The following SORL1-AS1 variants were observed in gnomAD, a reference collection of about 807,000 sequenced individuals.
SORL1-AS1 encodes the protein SORL1 antisense RNA 1.
downstream of SORL1-AS1, among the ~76,000 whole-genome samples, chr11:121,446,375 T>C (rs1860724842): frequency 6.6e-6 from 1 of 152,036 alleles, no homozygotes; most frequent in Non-Finnish European, 1.5e-5. Context: ...AGTTAATGAA[T>C]AAACAAGGCC....
At chr11:121,442,685 A>ATTTC (rs1169846649), downstream of SORL1-AS1, among the ~76,000 whole-genome samples, 1 of 138,158 alleles carries the variant, frequency 7.2e-6, no homozygotes, top group African/African-American at 2.7e-5. Flanking sequence ...TTATTTATTT[A>ATTTC]TTTATTTTTT....
Position 121,452,369 on chromosome 11 carries a change from C to G in SORL1-AS1, n.339+306G>C, listed in dbSNP as rs1032527926. 3 of 1,554,114 alleles carry G rather than the reference C, an allele frequency of 1.9e-6. No homozygotes were observed. Among genetic ancestry groups the G allele is most frequent in the Non-Finnish European group, 2.6e-6 (3 of 1,154,712 alleles). On this transcript the variant is annotated intron_variant and non_coding_transcript_variant, in intron 1 of 1. Transcript: ENST00000501964. This position sits in a 1 kb window ranked among gnomAD's most constrained non-coding sequence, Gnocchi z 5.3. Reference sequence around the variant, plus strand: ...AGCAGCAGGAGGGAGTCGCGACTCCCGTTCCTATTCACCCTGGTCGCACTG... The same window carrying G: ...AGCAGCAGGAGGGAGTCGCGACTCCGGTTCCTATTCACCCTGGTCGCACTG...
chr11:121,441,530 C>CAAAAAAAAAAAAAAA, the SORL1-AS1 span, among the ~76,000 whole-genome samples: 59 of 52,298 alleles, frequency 1.1e-3, no homozygotes, highest in East Asian at 1.8e-3. Flanking sequence ...GACTCTGTCT[C>CAAAAAAAAAAAAAAA]AAAAAAAAAA....
chr11:121,452,679 G>T lies in SORL1-AS1; in HGVS notation n.335C>A. On this transcript the variant is annotated non_coding_transcript_exon_variant, in exon 1 of 2. Transcript: ENST00000501964. The surrounding 1 kb of genome is among the most constrained non-coding windows in gnomAD (Gnocchi z 5.3). ...CCTCTCCCTGCACTTCCTCACCCCC[G>T]CATCCATCCGTTGCAGTCGCCTCCT... is the stretch of plus-strand genomic sequence containing the variant. 7 of 1,341,716 alleles carry T rather than the reference G, an allele frequency of 5.2e-6. No homozygotes were observed. Among genetic ancestry groups the T allele is most frequent in the Non-Finnish European group, 6.7e-6 (7 of 1,039,522 alleles). 83.1% of individuals were successfully genotyped at this position (1,341,716 alleles called of 1,614,324 possible).
the SORL1-AS1 span, among the ~76,000 whole-genome samples, chr11:121,438,880 G>A: frequency 2.6e-5 from 4 of 152,290 alleles, no homozygotes; most frequent in Admixed American, 2.6e-4. Context: ...ACAAAAATTA[G>A]CCAGGTGTGG....
At chr11:121,444,442 G>C (rs1399620344), downstream of SORL1-AS1, among the ~76,000 whole-genome samples, 1 of 152,234 alleles carries the variant, frequency 6.6e-6, no homozygotes, top group Non-Finnish European at 1.5e-5. Flanking sequence ...CTTAGGCTCT[G>C]AGAAAGTACC....
chr11:121,440,315 G>A, the SORL1-AS1 span, among the ~76,000 whole-genome samples: 4 of 152,140 alleles, frequency 2.6e-5, no homozygotes, highest in Admixed American at 6.6e-5. Flanking sequence ...CGGAGGTTAC[G>A]GTGAGCCGAG....
chr11:121,441,208 T>G, the SORL1-AS1 span, among the ~76,000 whole-genome samples: 1 of 152,072 alleles, frequency 6.6e-6, no homozygotes, highest in African/African-American at 2.4e-5. Context: ...GATTTGTAAG[T>G]GGGTACATGA....
chr11:121,441,530 C>CAAAAAAAAAAAAAAAAAAAAAAAAAA, the SORL1-AS1 span, among the ~76,000 whole-genome samples: 17 of 52,362 alleles, frequency 3.2e-4, no homozygotes, highest in Admixed American at 4.5e-4. Context: ...GACTCTGTCT[C>CAAAAAAAAAAAAAAAAAAAAAAAAAA]AAAAAAAAAA....
At position 121,452,529 on chromosome 11, in the gene SORL1-AS1, C is replaced by T; in HGVS notation, n.339+146G>A. 6.7e-7 allele frequency: 1 copy of T among 1,484,100 alleles called. No homozygotes were observed. The highest frequency in any genetic ancestry group is 8.9e-7 in the Non-Finnish European group (1 of 1,122,748). 91.9% of individuals were successfully genotyped at this position (1,484,100 alleles called of 1,614,324 possible). On this transcript the variant is annotated intron_variant and non_coding_transcript_variant, in intron 1 of 1. Coordinates refer to ENST00000501964, the Ensembl canonical transcript of SORL1-AS1. The surrounding 1 kb of genome is among the most constrained non-coding windows in gnomAD (Gnocchi z 5.3). Reference sequence around the variant, plus strand: ...TGCGGCTGTGGGCGCGCGGGGATGCCAGGGGGGCGAGCCGCGCGGACGAGA... The same window carrying T: ...TGCGGCTGTGGGCGCGCGGGGATGCTAGGGGGGCGAGCCGCGCGGACGAGA...
exon 2 of SORL1-AS1, chr11:121,447,346 T>G (rs1437212169): frequency 2.0e-5 from 3 of 150,342 alleles, no homozygotes; most frequent in Non-Finnish European, 4.4e-5. Context: ...AGGGTCTCTC[T>G]CTGTCACCCA....
exon 2 of SORL1-AS1, chr11:121,449,753 A>G (rs1860766531): frequency 6.6e-6 from 1 of 152,210 alleles, no homozygotes; most frequent in South Asian, 2.1e-4. Context: ...TCTCTATTTT[A>G]CAGATGAGAA....
chr11:121,438,676 A>G, the SORL1-AS1 span, among the ~76,000 whole-genome samples: 1 of 152,148 alleles, frequency 6.6e-6, no homozygotes, highest in Non-Finnish European at 1.5e-5. Flanking sequence ...AAAAATCTCA[A>G]TTTATCTCTT....
chr11:121,442,787 T>C (rs1286107010), downstream of SORL1-AS1, among the ~76,000 whole-genome samples: 147 of 142,262 alleles, frequency 1.0e-3, no homozygotes, highest in South Asian at 1.6e-3. Flanking sequence ...CACGCCATTC[T>C]CCTGCCTCAG....
At chr11:121,446,454 CTG>C (rs546563639), downstream of SORL1-AS1, among the ~76,000 whole-genome samples, 24 of 152,152 alleles carry the variant, frequency 1.6e-4, no homozygotes, top group South Asian at 4.8e-3. Flanking sequence ...TTCTGTTAGA[CTG>C]TATCCAGGAG....
exon 2 of SORL1-AS1, chr11:121,449,520 G>A (rs1860763349): frequency 6.6e-6 from 1 of 152,228 alleles, no homozygotes; most frequent in Non-Finnish European, 1.5e-5. Context: ...GCTGAAAGGT[G>A]TCTTTTCATT....
downstream of SORL1-AS1, among the ~76,000 whole-genome samples, chr11:121,445,932 CA>C (rs1465199828): frequency 6.6e-6 from 1 of 152,102 alleles, no homozygotes; most frequent in African/African-American, 2.4e-5. Flanking sequence ...AAATATGTTG[CA>C]GGGAAAGGAC....
chr11:121,441,854 T>C, the SORL1-AS1 span, among the ~76,000 whole-genome samples: 184 of 152,298 alleles, frequency 1.2e-3, no homozygotes, highest in African/African-American at 4.1e-3. Flanking sequence ...AAGCCACCAT[T>C]ATTTTGGGTC....
At position 121,452,588 on chromosome 11, in the gene SORL1-AS1, A is replaced by G. The variant is rs774177280; in HGVS notation, n.339+87T>C. ...CGGAGGAAACGGAGCGCTGCCCTGC[A>G]GCCCGAGCCCATCAAGGTGTACGGA... On this transcript the variant is annotated intron_variant and non_coding_transcript_variant, in intron 1 of 1. Coordinates refer to ENST00000501964, the Ensembl canonical transcript of SORL1-AS1. The surrounding 1 kb of genome is among the most constrained non-coding windows in gnomAD (Gnocchi z 5.3). 3 of 1,522,056 alleles carry G rather than the reference A, an allele frequency of 2.0e-6. No homozygotes were observed. The highest frequency in any genetic ancestry group is 2.9e-5 in the African/African-American group (2 of 69,728). The allele number at this position is 1,522,056 out of a possible 1,614,324, so 94.3% of individuals were successfully genotyped here.
Sources: gnomAD v4.1 joint callset for allele counts (sites outside exome capture counted in the v4.1 genomes callset) on GRCh38, gnomAD v4.1.1 for gene constraint, Gnocchi (gnomAD v3.1) non-coding constraint, MANE v1.5 for transcripts, NCBI Gene and HGNC (gene_info 2026-07-23, HGNC 2026-07-21) for gene names.